Variants in VPS13A observed in about 807,000 individuals in gnomAD.
The protein encoded by VPS13A is vacuolar protein sorting 13 homolog A.
In VPS13A, 264 loss-of-function variants were observed where a neutral mutation model predicts 390.9. That is an observed-to-expected ratio of 0.68 (90% CI 0.61 to 0.75). The LOEUF (loss-of-function observed/expected upper bound fraction) is 0.75, where lower values mean the gene tolerates loss of function less well. Ranked by LOEUF, VPS13A falls within the 30% of genes least tolerant of loss-of-function variation. VPS13A has a pLI of 0.00. For missense variants in VPS13A, 3,409 were observed against 3,733.9 expected, an observed-to-expected ratio of 0.91 and a Z score of 2.27; for synonymous variants, 1,231 against 1,227.1, an observed-to-expected ratio of 1.00 and a Z score of -0.07.
chr9:77,277,675 C>T (rs558915291), intron 26 of VPS13A, among the ~76,000 whole-genome samples: 1 of 152,248 alleles, frequency 6.6e-6, no homozygotes, highest in South Asian at 2.1e-4. Context: ...CATATATATC[C>T]TTTTCAGATT....
intron 44 of VPS13A, among the ~76,000 whole-genome samples, chr9:77,322,009 G>C (rs929815170): frequency 1.3e-5 from 2 of 151,722 alleles, no homozygotes; most frequent in Admixed American, 6.6e-5. Context: ...TTGTTGTTGG[G>C]AGGAAAAATA....
intron 68 of VPS13A, among the ~76,000 whole-genome samples, chr9:77,385,915 A>AG (rs1587703841): frequency 6.6e-6 from 1 of 152,210 alleles, no homozygotes; most frequent in East Asian, 1.9e-4. Flanking sequence ...ATTACTGCAA[A>AG]AAAAACTGAA....
chr9:77,378,419 G>A (rs554899794), intron 67 of VPS13A, among the ~76,000 whole-genome samples: 73 of 152,074 alleles, frequency 4.8e-4, no homozygotes, highest in African/African-American at 1.6e-3. Flanking sequence ...GTTCTAATTT[G>A]TTGATATATA....
At chr9:77,252,200 A>G (rs771951776) in intron 21 of VPS13A, 35 bp from the exon 22 acceptor site, 23 of 1,497,350 alleles carry the variant, frequency 1.5e-5, no homozygotes. Context: ...TGTGTGTTAT[A>G]GTTACGTTAA....
intron 33 of VPS13A, among the ~76,000 whole-genome samples, chr9:77,298,523 G>T (rs1194747961): frequency 6.6e-6 from 1 of 152,080 alleles, no homozygotes; most frequent in East Asian, 1.9e-4. Flanking sequence ...AATTAATAGT[G>T]TATCATTTTT....
intron 37 of VPS13A, 97 bp from the exon 38 acceptor site, chr9:77,315,156 G>A: frequency 2.8e-6 from 3 of 1,089,764 alleles, no homozygotes; most frequent in Non-Finnish European, 4.1e-6. Flanking sequence ...GCTTTTTTTT[G>A]TCAGTAAAAG....
At position 77,178,744 on chromosome 9, in the gene VPS13A, G is replaced by A. The variant is rs1440531638; in HGVS notation, c.100+940G>A. ...ATGCGCTTGTTTATTTTAAACACCC[G>A]CTAGAAATTAGACTCCTTTGTGAAA... On this transcript the variant is annotated intron_variant, in intron 1 of 71. Transcript: ENST00000360280. Among the ~76,000 whole-genome samples the A allele has an allele frequency of 1.3e-5, 2 of 152,128 alleles. 1 individual carries two copies. The highest frequency in any genetic ancestry group is 2.9e-5 in the Non-Finnish European group (2 of 68,014).
chr9:77,367,620 T>C (rs568796967), intron 61 of VPS13A, among the ~76,000 whole-genome samples: 1 of 152,334 alleles, frequency 6.6e-6, no homozygotes, highest in Admixed American at 6.5e-5. Context: ...TTAGTATATA[T>C]TCTGTGAATG....
At chr9:77,232,147 G>A (rs916171554) in intron 17 of VPS13A, among the ~76,000 whole-genome samples, 16 of 151,946 alleles carry the variant, frequency 1.1e-4, no homozygotes, top group Non-Finnish European at 1.0e-4. Context: ...TACCAATATC[G>A]TACTGTTTTG....
intron 63 of VPS13A, 59 bp downstream of exon 63, chr9:77,369,471 AC>A: frequency 9.1e-6 from 10 of 1,104,466 alleles, no homozygotes; most frequent in Non-Finnish European, 1.4e-5. Flanking sequence ...AATAGATAAT[AC>A]TTTTCTATTG....
chr9:77,385,382 C>G (rs576536652), intron 68 of VPS13A, among the ~76,000 whole-genome samples: 1 of 151,844 alleles, frequency 6.6e-6, no homozygotes, highest in East Asian at 1.9e-4. Flanking sequence ...AAACAATGAA[C>G]AAAGTTGGTT....
At chr9:77,345,459 T>A (rs1422034072) in intron 52 of VPS13A, among the ~76,000 whole-genome samples, 1 of 152,198 alleles carries the variant, frequency 6.6e-6, no homozygotes, top group African/African-American at 2.4e-5. Context: ...ATTTTTGAAT[T>A]TTTTCATGTG....
At chr9:77,297,370 C>T (rs1828072371) in intron 33 of VPS13A, among the ~76,000 whole-genome samples, 1 of 151,942 alleles carries the variant, frequency 6.6e-6, no homozygotes, top group African/African-American at 2.4e-5. Flanking sequence ...ACTCTCAGCT[C>T]TTATCTTCTC....
In VPS13A at chr9:77,247,388, A is replaced by G; in HGVS notation, c.2030A>G (p.His677Arg). ...TSNLLLLDLG[H>R]LKVTSKSRSE... ...AATCTGCTTCTTTTGGACCTTGGTCATCTAAAGGTATATACTAATAATATT... is the reference window on the plus strand; with the variant it reads ...AATCTGCTTCTTTTGGACCTTGGTCGTCTAAAGGTATATACTAATAATATT... Residue 677 changes from histidine to arginine, a missense_variant, in exon 20 of 72, where the codon CAT (histidine) becomes CGT (arginine). By Grantham distance (29) the His-to-Arg change is conservative. Coordinates refer to ENST00000360280, the MANE Select transcript of VPS13A (RefSeq NM_033305.3). 5 of 1,611,914 alleles carry G rather than the reference A, an allele frequency of 3.1e-6. No homozygotes were observed. Among genetic ancestry groups the G allele is most frequent in the South Asian group, 1.1e-5 (1 of 90,546 alleles).
chr9:77,377,201 C>CTTT (rs1472652165), intron 67 of VPS13A, among the ~76,000 whole-genome samples: 1 of 108,268 alleles, frequency 9.2e-6, no homozygotes, highest in African/African-American at 3.5e-5. Flanking sequence ...ATTTTTGATG[C>CTTT]TGTTTTTTTT....
chr9:77,237,178 G>C (rs548457111), intron 17 of VPS13A, among the ~76,000 whole-genome samples: 129 of 151,670 alleles, frequency 8.5e-4, no homozygotes, highest in Non-Finnish European at 1.4e-3. Context: ...GTGAGCCACC[G>C]AGCCCAGCCT....
At chr9:77,305,105 A>AT (rs1460243646) in intron 34 of VPS13A, among the ~76,000 whole-genome samples, 1 of 151,916 alleles carries the variant, frequency 6.6e-6, no homozygotes, top group Non-Finnish European at 1.5e-5. Context: ...CGCCCGGCTA[A>AT]TTTTTTGTGT....
chr9:77,368,011 C>A (rs1425611857), intron 61 of VPS13A, 44 bp from the exon 62 acceptor site: 1 of 1,510,248 alleles, frequency 6.6e-7, no homozygotes, highest in Non-Finnish European at 9.1e-7. Context: ...AAAATACTTT[C>A]TTCATACACA....
At chr9:77,187,332 A>G (rs1432459647) in intron 1 of VPS13A, among the ~76,000 whole-genome samples, 3 of 152,172 alleles carry the variant, frequency 2.0e-5, no homozygotes, top group Non-Finnish European at 4.4e-5. Flanking sequence ...TGACTGCACC[A>G]TTTTACATTC....
Sources: gnomAD v4.1 joint callset for allele counts (sites outside exome capture counted in the v4.1 genomes callset) on GRCh38, gnomAD v4.1.1 for gene constraint, MANE v1.5 for transcripts, NCBI Gene and HGNC (gene_info 2026-07-23, HGNC 2026-07-21) for gene names.